The following CDH13 variants were observed in gnomAD, a reference collection of about 807,000 sequenced individuals.
CDH13 encodes cadherin-13.
Under a neutral mutation model 63.8 loss-of-function variants are expected in CDH13, and 24 were observed. The ratio of observed to expected loss-of-function variants is 0.38; its 90% confidence interval spans 0.27 to 0.53. The LOEUF is 0.53. Ranked by LOEUF, CDH13 falls within the 20% of genes least tolerant of loss-of-function variation. CDH13 has a pLI of 0.85. For synonymous variants in CDH13, 503 were observed against 355.3 expected (o/e 1.42, Z -4.67); for missense variants, 1,049 against 903.1 (o/e 1.16, Z -2.07).
At chr16:83,733,977 A>G (rs1911291396) in intron 10 of CDH13, among the ~76,000 whole-genome samples, 2 of 152,316 alleles carry the variant, frequency 1.3e-5, no homozygotes, top group South Asian at 4.1e-4. Context: ...AGAGCACCAG[A>G]CTATTTTATT....
intron 2 of CDH13, among the ~76,000 whole-genome samples, chr16:82,911,177 C>G (rs763447221): frequency 6.6e-6 from 1 of 152,184 alleles, no homozygotes; most frequent in African/African-American, 2.4e-5. Flanking sequence ...TTTCCCCGAG[C>G]GCTGAAATTC....
At position 82,849,009 on chromosome 16, in the gene CDH13, TG is replaced by T. The variant is rs540363403; in HGVS notation, c.46-9351del. Among the ~76,000 whole-genome samples the T allele has an allele frequency of 1.5e-3, 233 of 152,270 alleles. 1 individual carries two copies. The highest frequency in any genetic ancestry group is 5.3e-3 in the African/African-American group (219 of 41,560). The stretch of plus-strand genomic sequence containing the variant: ...AAGTAAGACAGCCTTATTGCTGACA[TG>T]GAGAAAGTTTTAGTGGTCTGAATAG... On this transcript the variant is annotated intron_variant, in intron 1 of 13. Transcript: ENST00000567109.
intron 7 of CDH13, among the ~76,000 whole-genome samples, chr16:83,598,626 G>C (rs74668461): frequency 0.13 from 20,351 of 152,084 alleles, 1,704 homozygotes; most frequent in Middle Eastern, 0.28. Flanking sequence ...CGGAACATCT[G>C]AATCAAGTGT....
chr16:82,877,954 C>CAT (rs1448646124), intron 2 of CDH13, among the ~76,000 whole-genome samples: 2 of 106,308 alleles, frequency 1.9e-5, no homozygotes, highest in African/African-American at 6.3e-5. Context: ...CACACACACA[C>CAT]ACACACATAT....
At chr16:83,086,771 G>A (rs1421996109) in intron 3 of CDH13, among the ~76,000 whole-genome samples, 1 of 152,094 alleles carries the variant, frequency 6.6e-6, no homozygotes, top group East Asian at 1.9e-4. Context: ...AATAAAACAA[G>A]CAATGGCAAA....
chr16:83,106,205 A>G (rs1597346943), intron 3 of CDH13, among the ~76,000 whole-genome samples: 1 of 152,338 alleles, frequency 6.6e-6, no homozygotes, highest in East Asian at 1.9e-4. Flanking sequence ...ACGTCACTTT[A>G]TTTGCCTTTC....
chr16:83,240,191 G>A (rs114124610), intron 5 of CDH13, among the ~76,000 whole-genome samples: 2 of 152,024 alleles, frequency 1.3e-5, no homozygotes, highest in Non-Finnish European at 2.9e-5. Flanking sequence ...TCAGCAGGCC[G>A]TGACCCCTTC....
chr16:83,457,578 A>C (rs1218991530), intron 6 of CDH13, among the ~76,000 whole-genome samples: 4 of 152,112 alleles, frequency 2.6e-5, no homozygotes, highest in Non-Finnish European at 5.9e-5. Context: ...TACCTCTATT[A>C]TCCTCAACAA....
intron 6 of CDH13, among the ~76,000 whole-genome samples, chr16:83,480,376 G>C (rs755411601): frequency 6.6e-6 from 1 of 152,132 alleles, no homozygotes; most frequent in Non-Finnish European, 1.5e-5. Flanking sequence ...GTGAGGCCAG[G>C]TTTTAAAAAT....
At chr16:83,754,284 A>C (rs1013508669) in intron 11 of CDH13, among the ~76,000 whole-genome samples, 1 of 152,242 alleles carries the variant, frequency 6.6e-6, no homozygotes, top group African/African-American at 2.4e-5. Context: ...TGGAGAGTTA[A>C]GATGGTAACC....
rs1271676099 is a variant in CDH13 at position 83,500,225 on chromosome 16, T to TTTCTTCTTCTTCTTC, written c.960+13577_960+13578insTCTTCTTCTTCTTCT. ...ACATTTGAATTCAGACACTAGTTTC[T>TTTCTTCTTCTTCTTC]TTCTTCTCCTTCTTCTTCTTCTTCT... On this transcript the variant is annotated intron_variant, in intron 7 of 13. Coordinates refer to ENST00000567109, the MANE Select transcript of CDH13 (RefSeq NM_001257.5). 6.3e-5 allele frequency among the ~76,000 whole-genome samples: 2 copies of TTTCTTCTTCTTCTTC among 31,538 alleles called. 1 individual carries two copies. Among genetic ancestry groups the TTTCTTCTTCTTCTTC allele is most frequent in the Non-Finnish European group, 1.3e-4 (2 of 14,856 alleles). 20.7% of individuals were successfully genotyped at this position (31,538 alleles called of 152,430 possible). A position where few individuals can be genotyped will look rare whatever the true frequency, so the allele number is the denominator to read the frequency against.
chr16:83,239,720 T>C (rs906801477), intron 5 of CDH13, among the ~76,000 whole-genome samples: 11 of 152,202 alleles, frequency 7.2e-5, no homozygotes, highest in African/African-American at 2.7e-4. Context: ...TGGCTCTTAC[T>C]ACCTATCAAT....
intron 10 of CDH13, among the ~76,000 whole-genome samples, chr16:83,696,371 C>A (rs2150900542): frequency 6.6e-6 from 1 of 152,094 alleles, no homozygotes; most frequent in East Asian, 1.9e-4. Context: ...CTCTGTTCCC[C>A]ATTCATTCAT....
chr16:83,620,381 C>G (rs1459868141), intron 8 of CDH13, among the ~76,000 whole-genome samples: 1 of 116,900 alleles, frequency 8.6e-6, no homozygotes, highest in Non-Finnish European at 1.7e-5. Flanking sequence ...CAGAGCGAGA[C>G]TCCGTCTCAA....
intron 2 of CDH13, among the ~76,000 whole-genome samples, chr16:82,918,506 C>CTTTTTTT (rs34099579): frequency 8.4e-6 from 1 of 119,726 alleles, no homozygotes; most frequent in African/African-American, 3.1e-5. Context: ...TACACTTTCA[C>CTTTTTTT]TTTTTTTTTT....
intron 6 of CDH13, among the ~76,000 whole-genome samples, chr16:83,412,659 T>G (rs1221031906): frequency 6.6e-6 from 1 of 152,160 alleles, no homozygotes; most frequent in Non-Finnish European, 1.5e-5. Flanking sequence ...CATCAACTCC[T>G]TGCAGGTAGA....
intron 1 of CDH13, among the ~76,000 whole-genome samples, chr16:82,775,350 C>G (rs942366117): frequency 2.0e-5 from 3 of 152,122 alleles, no homozygotes; most frequent in Non-Finnish European, 2.9e-5. Context: ...GATATCAAGT[C>G]CAGTTATATT....
intron 1 of CDH13, chr16:82,639,438 T>C: frequency 6.5e-7 from 1 of 1,535,416 alleles, no homozygotes; most frequent in Non-Finnish European, 8.7e-7. Flanking sequence ...TGCCTGGGCG[T>C]GACCCACCTG....
chr16:82,770,847 A>G (rs1273085716), intron 1 of CDH13, among the ~76,000 whole-genome samples: 1 of 152,124 alleles, frequency 6.6e-6, no homozygotes, highest in Admixed American at 6.6e-5. Context: ...AGCTGGGACT[A>G]AAAGCGCACA....
Sources: allele counts gnomAD v4.1 joint callset (sites outside exome capture counted in the v4.1 genomes callset), GRCh38; gene constraint gnomAD v4.1.1; transcripts MANE v1.5; gene names NCBI Gene and HGNC (gene_info 2026-07-23, HGNC 2026-07-21).